Variants in SPSB1 observed in about 807,000 individuals in gnomAD.
SPSB1 encodes SPRY domain-containing SOCS box protein 1.
Under a neutral mutation model 21.2 loss-of-function variants are expected in SPSB1, and 8 were observed. That is an observed-to-expected ratio of 0.38 (90% confidence interval 0.22 to 0.68). The LOEUF is 0.68. Ranked by LOEUF, SPSB1 falls within the 30% of genes least tolerant of loss-of-function variation. The probability of loss-of-function intolerance (pLI) is 0.53; values close to 1 mark genes in which losing one functional copy is unlikely to be tolerated. For missense variants in SPSB1, 242 were observed against 377.8 expected (o/e 0.64, Z 2.98); for synonymous variants, 169 against 161.7 (o/e 1.05, Z -0.34).
At chr1:9,361,156 CTTTTTTT>C (rs57871457) in intron 2 of SPSB1, among the ~76,000 whole-genome samples, 9 of 102,578 alleles carry the variant, frequency 8.8e-5, no homozygotes, top group East Asian at 5.8e-4. Flanking sequence ...CTGTCATTTT[CTTTTTTT>C]TTTTTTTTTT....
intron 1 of SPSB1, among the ~76,000 whole-genome samples, chr1:9,337,390 A>C (rs970999827): frequency 6.6e-6 from 1 of 152,024 alleles, no homozygotes; most frequent in Non-Finnish European, 1.5e-5. Context: ...TGGCCAGGGC[A>C]GGCACCTCAC....
intron 1 of SPSB1, among the ~76,000 whole-genome samples, chr1:9,354,506 C>T (rs1163387930): frequency 6.6e-6 from 1 of 152,172 alleles, no homozygotes. Flanking sequence ...CTCTCTTGAA[C>T]GAGGCTCAAA....
chr1:9,344,783 ATC>A (rs1349865446), intron 1 of SPSB1, among the ~76,000 whole-genome samples: 3 of 151,372 alleles, frequency 2.0e-5, no homozygotes, highest in Non-Finnish European at 4.4e-5. Flanking sequence ...GGCCCCTGAA[ATC>A]TCTCTGGGTT....
At position 9,317,424 on chromosome 1, in the gene SPSB1, A is replaced by T. The variant is rs1412451486; in HGVS notation, c.-150+24353A>T. Among the ~76,000 whole-genome samples the T allele has an allele frequency of 2.0e-5, 3 of 152,096 alleles. No homozygotes were observed. Among genetic ancestry groups the T allele is most frequent in the Non-Finnish European group, 4.4e-5 (3 of 68,012 alleles). On this transcript the variant is annotated intron_variant, in intron 1 of 2. Transcript: ENST00000328089. The surrounding 1 kb of genome is among the most constrained non-coding windows in gnomAD (Gnocchi z 4.3). ...CCAGGATTTGGTTTAGGTATCTGGG[A>T]GAAGGGGTGTGGGGGCGTGTGGTAG...
chr1:9,294,251 T>C (rs1639171846), intron 1 of SPSB1, among the ~76,000 whole-genome samples: 1 of 133,324 alleles, frequency 7.5e-6, no homozygotes, highest in Non-Finnish European at 1.7e-5. Context: ...TGTCTCTTTG[T>C]GTGTCCACAC....
Position 9,356,172 on chromosome 1 carries a change from C to T in SPSB1, c.281C>T (p.Thr94Ile). Residue 94 changes from threonine to isoleucine, a missense_variant, in exon 2 of 3, where the codon ACC (threonine) becomes ATC (isoleucine). By Grantham distance (89) the Thr-to-Ile change is moderately conservative (BLOSUM62 -1). Transcript: ENST00000328089. This position sits in a 1 kb window ranked among gnomAD's most constrained non-coding sequence, Gnocchi z 7.4. ...TDAIRGKVGYTRGLHVWQITW... is the reference protein window; with the variant it reads ...TDAIRGKVGYIRGLHVWQITW... ...GCTATCAGGGGCAAAGTCGGGTATACCCGTGGGCTGCACGTGTGGCAGATC... is the reference window on the plus strand; with the variant it reads ...GCTATCAGGGGCAAAGTCGGGTATATCCGTGGGCTGCACGTGTGGCAGATC... The T allele has an allele frequency of 6.3e-7, 1 of 1,586,906 alleles. No homozygotes were observed. Among genetic ancestry groups the T allele is most frequent in the South Asian group, 1.2e-5 (1 of 86,112 alleles).
At chr1:9,362,319 G>A (rs548265875) in intron 2 of SPSB1, among the ~76,000 whole-genome samples, 6 of 152,366 alleles carry the variant, frequency 3.9e-5, no homozygotes, top group African/African-American at 1.4e-4. Context: ...GACCAAGGGT[G>A]TCTGATCACC....
chr1:9,351,410 G>C (rs11121382), intron 1 of SPSB1: 35,717 of 152,250 alleles, frequency 0.23, 5,282 homozygotes, highest in Non-Finnish European at 0.33. Flanking sequence ...ATAAATGAAA[G>C]TGGAAATGCA....
At chr1:9,306,378 G>A (rs1474979931) in intron 1 of SPSB1, among the ~76,000 whole-genome samples, 1 of 152,208 alleles carries the variant, frequency 6.6e-6, no homozygotes, top group Non-Finnish European at 1.5e-5. Flanking sequence ...CAGCCTGGAG[G>A]AGGTGGAAGA....
At position 9,343,477 on chromosome 1, in the gene SPSB1, T is replaced by G. The variant is rs116425921; in HGVS notation, c.-149-12266T>G. On this transcript the variant is annotated intron_variant, in intron 1 of 2. Coordinates refer to ENST00000328089, the MANE Select transcript of SPSB1 (RefSeq NM_025106.4). ...TGGCTGAATAATATTCCACTGAATG[T>G]GTATACCACAATTTGTTTATCCATG... Among the ~76,000 whole-genome samples the G allele has an allele frequency of 1.6e-3, 243 of 152,370 alleles. 1 individual carries two copies. The highest frequency in any genetic ancestry group is 5.5e-3 in the African/African-American group (227 of 41,594).
chr1:9,333,433 C>T (rs1196211365), intron 1 of SPSB1, among the ~76,000 whole-genome samples: 1 of 151,100 alleles, frequency 6.6e-6, no homozygotes, highest in Non-Finnish European at 1.5e-5. Flanking sequence ...CAGGTTCAGG[C>T]GATTCTTCTG....
intron 1 of SPSB1, among the ~76,000 whole-genome samples, chr1:9,312,099 T>G (rs185823624): frequency 6.6e-6 from 1 of 152,190 alleles, no homozygotes. Context: ...CTCCTCAGCC[T>G]CCTGAGTAGC....
chr1:9,337,331 G>A (rs1640019912), intron 1 of SPSB1, among the ~76,000 whole-genome samples: 1 of 152,134 alleles, frequency 6.6e-6, no homozygotes, highest in Non-Finnish European at 1.5e-5. Context: ...AAGGACGGGG[G>A]CTCAGTGGGG....
chr1:9,351,095 A>G (rs541759635), intron 1 of SPSB1, among the ~76,000 whole-genome samples: 17 of 152,362 alleles, frequency 1.1e-4, no homozygotes, highest in African/African-American at 3.8e-4. Context: ...TCGGCAAACA[A>G]CAGCTCCTGG....
chr1:9,353,869 G>C (rs1286579542), intron 1 of SPSB1, among the ~76,000 whole-genome samples: 1 of 150,418 alleles, frequency 6.6e-6, no homozygotes, highest in African/African-American at 2.4e-5. Context: ...AGTGAGACGA[G>C]ATAGCGCCAT....
chr1:9,339,418 G>A (rs550310879), intron 1 of SPSB1, among the ~76,000 whole-genome samples: 63 of 152,316 alleles, frequency 4.1e-4, no homozygotes, highest in African/African-American at 1.4e-3. Context: ...ATTCCGGGGC[G>A]AGTCTGGAGG....
chr1:9,312,333 G>T (rs1186356573), intron 1 of SPSB1, among the ~76,000 whole-genome samples: 1 of 151,766 alleles, frequency 6.6e-6, no homozygotes, highest in Admixed American at 6.6e-5. Flanking sequence ...GGTCTGTCTG[G>T]TTTTTTATGA....
At chr1:9,357,313 A>G (rs1640387167) in intron 2 of SPSB1, among the ~76,000 whole-genome samples, 1 of 152,188 alleles carries the variant, frequency 6.6e-6, no homozygotes, top group South Asian at 2.1e-4. Flanking sequence ...CAGTGAATGG[A>G]TGGATGAGTG....
At chr1:9,337,126 G>A (rs1184672639) in intron 1 of SPSB1, among the ~76,000 whole-genome samples, 1 of 152,106 alleles carries the variant, frequency 6.6e-6, no homozygotes. Context: ...ATGACAAGGG[G>A]CCTACATGAG....
Sources: gnomAD v4.1 joint callset for allele counts (sites outside exome capture counted in the v4.1 genomes callset) on GRCh38, gnomAD v4.1.1 for gene constraint, Gnocchi (gnomAD v3.1) non-coding constraint, MANE v1.5 for transcripts, NCBI Gene and HGNC (gene_info 2026-07-23, HGNC 2026-07-21) for gene names.